HSF2BP: variants seen among roughly 807,000 people sequenced by gnomAD.
HSF2BP encodes heat shock factor 2-binding protein.
In HSF2BP, 35 loss-of-function variants were observed where a neutral mutation model predicts 35.0. The observed-to-expected ratio is 1.00, with a 90% CI of 0.76 to 1.32. The LOEUF is 1.32. Among genes scored for constraint, HSF2BP ranks in the 40% most tolerant of loss-of-function variants. The pLI is 0.00. For synonymous variants in HSF2BP, 114 were observed against 117.4 expected (o/e 0.97, Z 0.18); for missense variants, 326 against 321.7 (o/e 1.01, Z -0.10).
At chr21:43,612,868 G>A (rs2082226118) in intron 7 of HSF2BP, among the ~76,000 whole-genome samples, 4 of 152,116 alleles carry the variant, frequency 2.6e-5, no homozygotes. Flanking sequence ...AACGAACAGT[G>A]TGAGTGGCAG....
intron 6 of HSF2BP, among the ~76,000 whole-genome samples, chr21:43,624,832 G>A (rs140669842): frequency 5.8e-4 from 88 of 151,116 alleles, no homozygotes; most frequent in East Asian, 1.4e-3. Context: ...GAAGATTTCC[G>A]TCTCTTTCAC....
At chr21:43,646,087 G>GT (rs1416000882) in intron 3 of HSF2BP, among the ~76,000 whole-genome samples, 4 of 151,540 alleles carry the variant, frequency 2.6e-5, no homozygotes, top group Non-Finnish European at 5.9e-5. Flanking sequence ...GAAAGCTGAG[G>GT]TGGGAGGATC....
intron 3 of HSF2BP, among the ~76,000 whole-genome samples, chr21:43,655,920 C>T (rs1371867458): frequency 6.6e-6 from 1 of 152,160 alleles, no homozygotes. Flanking sequence ...CCTGGGCCCC[C>T]TGGATGCACC....
At position 43,571,832 on chromosome 21, in the gene HSF2BP, T is replaced by C. The variant is rs1381048702; in HGVS notation, c.796+20393A>G. Among the ~76,000 whole-genome samples, 10 of 134,702 alleles carry C rather than the reference T, an allele frequency of 7.4e-5. 1 individual carries two copies. The highest frequency in any genetic ancestry group is 5.4e-4 in the Admixed American group (7 of 13,002). 88.4% of individuals were successfully genotyped at this position (134,702 alleles called of 152,430 possible). ...GTTGAGGCCAGAGGAGGTCAGATCATGGACCCTGACCAGAGCCCCTTCCGG... is the reference window on the plus strand; with the variant it reads ...GTTGAGGCCAGAGGAGGTCAGATCACGGACCCTGACCAGAGCCCCTTCCGG... On this transcript the variant is annotated intron_variant, in intron 8 of 8. Coordinates refer to ENST00000291560, the MANE Select transcript of HSF2BP (RefSeq NM_007031.2).
intron 6 of HSF2BP, among the ~76,000 whole-genome samples, chr21:43,627,916 T>C (rs2082408849): frequency 1.3e-5 from 2 of 152,232 alleles, no homozygotes; most frequent in African/African-American, 4.8e-5. Flanking sequence ...ACATCTGTTA[T>C]GGTCATCTGT....
In HSF2BP at chr21:43,612,650, C is replaced by CAAAA. The variant is rs762585967; in HGVS notation, c.692+1176_692+1179dup. 1.3e-3 allele frequency among the ~76,000 whole-genome samples: 102 copies of CAAAA among 76,222 alleles called. 1 individual carries two copies. Among genetic ancestry groups the CAAAA allele is most frequent in the East Asian group, 1.5e-3 (4 of 2,702 alleles). 50.0% of individuals were successfully genotyped at this position (76,222 alleles called of 152,430 possible). The stretch of plus-strand genomic sequence containing the variant: ...CGGGTGACAGAGCAAGACTCCGTCT[C>CAAAA]AAAAAAAAAAAAAAAAAAAAAAGTG... On this transcript the variant is annotated intron_variant, in intron 7 of 8. Coordinates refer to ENST00000291560, the MANE Select transcript of HSF2BP (RefSeq NM_007031.2).
At chr21:43,584,356 G>C (rs1348447052) in intron 8 of HSF2BP, among the ~76,000 whole-genome samples, 1 of 152,188 alleles carries the variant, frequency 6.6e-6, no homozygotes, top group Non-Finnish European at 1.5e-5. Flanking sequence ...TTCAGTTTGA[G>C]TTCAAAGGCA....
At chr21:43,644,944 C>T (rs1466293757) in intron 3 of HSF2BP, among the ~76,000 whole-genome samples, 3 of 152,076 alleles carry the variant, frequency 2.0e-5, no homozygotes, top group Admixed American at 6.6e-5. Context: ...ACTTCCTCTC[C>T]ACCGCACTCA....
In HSF2BP at chr21:43,597,031, G is replaced by C. The variant is rs1008461399; in HGVS notation, c.693-4703C>G. 8.5e-5 allele frequency among the ~76,000 whole-genome samples: 13 copies of C among 152,234 alleles called. No homozygotes were observed. The highest frequency in any genetic ancestry group is 3.1e-4 in the African/African-American group (13 of 41,532). On this transcript the variant is annotated intron_variant, in intron 7 of 8. Coordinates refer to ENST00000291560, the MANE Select transcript of HSF2BP (RefSeq NM_007031.2). This position sits in a 1 kb window ranked among gnomAD's most constrained non-coding sequence, Gnocchi z 4.3. ...TGAGAAGTAAAACCACAGAGTCCAG[G>C]GTCACCAGGGTGGAAAGAAAGGGAA...
At chr21:43,582,535 A>G (rs1174972183) in intron 8 of HSF2BP, among the ~76,000 whole-genome samples, 2 of 80,070 alleles carry the variant, frequency 2.5e-5, no homozygotes, top group Non-Finnish European at 4.9e-5. Flanking sequence ...CTGCTGAGGG[A>G]GATGAGGACC....
At chr21:43,609,385 C>T (rs1197730399) in intron 7 of HSF2BP, among the ~76,000 whole-genome samples, 1 of 152,094 alleles carries the variant, frequency 6.6e-6, no homozygotes, top group Non-Finnish European at 1.5e-5. Context: ...TGGCATCACG[C>T]AATATACTCT....
intron 7 of HSF2BP, among the ~76,000 whole-genome samples, chr21:43,610,399 G>A (rs1399399944): frequency 1.3e-5 from 2 of 151,284 alleles, no homozygotes; most frequent in Non-Finnish European, 2.9e-5. Context: ...GACAAGCCTG[G>A]GCAACAAGGT....
chr21:43,604,565 CACACACACCAATAT>C (rs1042093472), intron 7 of HSF2BP, among the ~76,000 whole-genome samples: 1 of 142,182 alleles, frequency 7.0e-6, no homozygotes, highest in African/African-American at 2.6e-5. Context: ...ACACACATTG[CACACACACCAATAT>C]ACACACACCA....
chr21:43,582,544 C>T, intron 8 of HSF2BP, among the ~76,000 whole-genome samples: 1 of 94,436 alleles, frequency 1.1e-5, no homozygotes, highest in Non-Finnish European at 2.1e-5. Context: ...GAGATGAGGA[C>T]CTGCTGAGGG....
At chr21:43,653,328 C>T (rs976673980) in intron 3 of HSF2BP, among the ~76,000 whole-genome samples, 15 of 151,886 alleles carry the variant, frequency 9.9e-5, no homozygotes, top group African/African-American at 3.6e-4. Flanking sequence ...GTAGGGTGCT[C>T]CCTCAAGACC....
At chr21:43,621,901 G>A (rs1017365134) in intron 6 of HSF2BP, among the ~76,000 whole-genome samples, 14 of 152,082 alleles carry the variant, frequency 9.2e-5, no homozygotes, top group African/African-American at 3.4e-4. Context: ...CTCATGATGT[G>A]CAATCCATGC....
intron 6 of HSF2BP, among the ~76,000 whole-genome samples, chr21:43,618,325 ATG>A (rs2082293788): frequency 6.6e-6 from 1 of 152,160 alleles, no homozygotes; most frequent in Non-Finnish European, 1.5e-5. Context: ...GAGACGTACT[ATG>A]TCTGATACTT....
chr21:43,648,668 C>T lies in HSF2BP; in HGVS notation c.188-4276G>A, dbSNP rs1013660386. 4.7e-4 allele frequency among the ~76,000 whole-genome samples: 72 copies of T among 152,336 alleles called. 1 individual carries two copies. The highest frequency in any genetic ancestry group is 1.6e-3 in the African/African-American group (67 of 41,582). ...TCAAAGTAATAATCCTTTTTTGGTG[C>T]TGACTCTTTGGTTCTACTCTTCATG... On this transcript the variant is annotated intron_variant, in intron 3 of 8. Transcript: ENST00000291560.
chr21:43,467,615 G>A, the HSF2BP span, among the ~76,000 whole-genome samples: 2 of 151,230 alleles, frequency 1.3e-5, no homozygotes, highest in Non-Finnish European at 2.9e-5. Flanking sequence ...CCAGAAGCTA[G>A]AGAGTAAATG....
Sources: gnomAD v4.1 joint callset for allele counts (sites outside exome capture counted in the v4.1 genomes callset) on GRCh38, gnomAD v4.1.1 for gene constraint, Gnocchi (gnomAD v3.1) non-coding constraint, MANE v1.5 for transcripts, NCBI Gene and HGNC (gene_info 2026-07-23, HGNC 2026-07-21) for gene names.